SPAG16: variants seen among roughly 807,000 people sequenced by gnomAD.
SPAG16 encodes sperm associated antigen 16, also known as sperm-associated antigen 16 protein.
SPAG16 carries 86 observed loss-of-function variants against 80.4 expected under a neutral mutation model. The ratio of observed to expected loss-of-function variants is 1.07; its 90% CI spans 0.90 to 1.28. SPAG16 has a LOEUF of 1.28. Among genes scored for constraint, SPAG16 ranks in the 50% most tolerant of loss-of-function variants. The pLI, the probability that SPAG16 is intolerant of heterozygous loss-of-function variation, is 0.00. For synonymous variants in SPAG16, 294 were observed against 265.9 expected (o/e 1.11, Z -1.03); for missense variants, 870 against 765.3 (o/e 1.14, Z -1.61).
At chr2:213,787,478 T>C (rs1211434248) in intron 10 of SPAG16, among the ~76,000 whole-genome samples, 2 of 152,100 alleles carry the variant, frequency 1.3e-5, no homozygotes, top group African/African-American at 4.8e-5. Context: ...ATAATATAGC[T>C]ACAATACCAA....
intron 5 of SPAG16, among the ~76,000 whole-genome samples, chr2:213,328,658 G>C (rs974806386): frequency 6.6e-6 from 1 of 152,218 alleles, no homozygotes; most frequent in African/African-American, 2.4e-5. Flanking sequence ...TAGGAATGAG[G>C]ACTTTTCCTG....
chr2:213,668,987 T>C (rs969451196), intron 10 of SPAG16, among the ~76,000 whole-genome samples: 4 of 152,208 alleles, frequency 2.6e-5, no homozygotes, highest in East Asian at 1.9e-4. Flanking sequence ...CTCTGGAAAA[T>C]AGACCATAAT....
intron 15 of SPAG16, among the ~76,000 whole-genome samples, chr2:214,344,016 G>A (rs1316806256): frequency 2.6e-5 from 4 of 152,088 alleles, no homozygotes; most frequent in African/African-American, 9.7e-5. Context: ...TAATAATGAT[G>A]GGTGTCCATT....
intron 10 of SPAG16, among the ~76,000 whole-genome samples, chr2:213,825,798 C>T (rs116321999): frequency 1.3e-3 from 195 of 149,422 alleles, no homozygotes; most frequent in Non-Finnish European, 2.6e-3. Flanking sequence ...ATTCCCTCCT[C>T]CCCTATTTCT....
intron 9 of SPAG16, among the ~76,000 whole-genome samples, chr2:213,391,137 A>G (rs2067728926): frequency 6.6e-6 from 1 of 152,124 alleles, no homozygotes; most frequent in Non-Finnish European, 1.5e-5. Context: ...GCATGGTGGC[A>G]CGTGCCTGTA....
intron 9 of SPAG16, among the ~76,000 whole-genome samples, chr2:213,430,303 AG>A (rs1212421218): frequency 9.2e-5 from 14 of 152,324 alleles, no homozygotes; most frequent in African/African-American, 3.1e-4. Context: ...AAAGTGAAAA[AG>A]AAGAAAAAGA....
intron 15 of SPAG16, among the ~76,000 whole-genome samples, chr2:214,191,674 A>AT (rs1371975615): frequency 1.4e-5 from 2 of 142,288 alleles, no homozygotes; most frequent in Admixed American, 7.5e-5. Flanking sequence ...AGATCATGCC[A>AT]TTGCACTCTA....
At chr2:213,459,366 G>A (rs1349598059) in intron 9 of SPAG16, among the ~76,000 whole-genome samples, 2 of 152,178 alleles carry the variant, frequency 1.3e-5, no homozygotes, top group East Asian at 3.8e-4. Context: ...AGGCTCAAGA[G>A]TGATTTTATC....
chr2:213,469,573 T>G (rs1386562442), intron 9 of SPAG16, among the ~76,000 whole-genome samples: 1 of 119,744 alleles, frequency 8.4e-6, no homozygotes, highest in Non-Finnish European at 1.6e-5. Flanking sequence ...TCAGCAGGTT[T>G]TTTTTTTTTT....
At chr2:213,446,241 A>T (rs1363785101) in intron 9 of SPAG16, among the ~76,000 whole-genome samples, 1 of 152,212 alleles carries the variant, frequency 6.6e-6, no homozygotes, top group Non-Finnish European at 1.5e-5. Context: ...ATGGTTCATA[A>T]CCAGACTGAA....
Position 214,332,243 on chromosome 2 carries a change from C to T in SPAG16, c.1721-77897C>T, listed in dbSNP as rs192824656. Among the ~76,000 whole-genome samples, 40 of 152,336 alleles carry T rather than the reference C, an allele frequency of 2.6e-4. No individual in the cohort carries two copies. In the East Asian group the frequency reaches 6.7e-3, roughly 26 times the overall value. On this transcript the variant is annotated intron_variant, in intron 15 of 15. Transcript: ENST00000331683. ...CTCCAGCCTGGTCAACAGAGTGAGA[C>T]TCTGCCTCACAAAAAAACAAACAAA...
intron 11 of SPAG16, among the ~76,000 whole-genome samples, chr2:213,865,884 A>G (rs185470296): frequency 6.8e-6 from 1 of 148,086 alleles, no homozygotes; most frequent in Non-Finnish European, 1.5e-5. Flanking sequence ...ATACATAGCA[A>G]CTTGGAAGGA....
chr2:213,639,437 C>T (rs1410832027), intron 10 of SPAG16, among the ~76,000 whole-genome samples: 2 of 152,072 alleles, frequency 1.3e-5, no homozygotes, highest in South Asian at 2.1e-4. Flanking sequence ...GTGCTGGCTT[C>T]GTAGTGCTGA....
intron 10 of SPAG16, among the ~76,000 whole-genome samples, chr2:213,736,778 T>C (rs1225957044): frequency 6.6e-6 from 1 of 151,662 alleles, no homozygotes; most frequent in Non-Finnish European, 1.5e-5. Context: ...GATCTCGGCT[T>C]GCTGCAACCT....
chr2:214,199,252 C>A (rs1233619029), intron 15 of SPAG16, among the ~76,000 whole-genome samples: 1 of 152,058 alleles, frequency 6.6e-6, no homozygotes, highest in Non-Finnish European at 1.5e-5. Context: ...AGATTTAAGT[C>A]TTTGATCCTT....
chr2:214,269,037 G>T (rs918230952), intron 15 of SPAG16, among the ~76,000 whole-genome samples: 4 of 151,878 alleles, frequency 2.6e-5, no homozygotes, highest in African/African-American at 9.7e-5. Flanking sequence ...TCAGCTATTT[G>T]TCTTTTCAAT....
chr2:214,122,003 A>T (rs17281873), intron 14 of SPAG16, among the ~76,000 whole-genome samples: 1 of 151,802 alleles, frequency 6.6e-6, no homozygotes, highest in African/African-American at 2.4e-5. Flanking sequence ...TACTATTGTT[A>T]ATGGAGATAA....
At chr2:213,838,530 C>T (rs1418048244) in intron 10 of SPAG16, among the ~76,000 whole-genome samples, 1 of 152,180 alleles carries the variant, frequency 6.6e-6, no homozygotes, top group Non-Finnish European at 1.5e-5. Flanking sequence ...GCCTATACCT[C>T]ATTGAGCAGA....
rs561269794 is a variant in SPAG16 at position 214,314,044 on chromosome 2, C to T, written c.1721-96096C>T. Among the ~76,000 whole-genome samples, 66 of 152,038 alleles carry T rather than the reference C, an allele frequency of 4.3e-4. No individual in the cohort carries two copies. In the South Asian group the frequency reaches 0.013, roughly 29 times the overall value. ...TGCAGCATTGTATTTGTATCTAGGC[C>T]TAATAATTTTGTATTTATTTCCAAT... On this transcript the variant is annotated intron_variant, in intron 15 of 15. Transcript: ENST00000331683.
Sources: gnomAD v4.1 joint callset for allele counts (sites outside exome capture counted in the v4.1 genomes callset) on GRCh38, gnomAD v4.1.1 for gene constraint, MANE v1.5 for transcripts, NCBI Gene and HGNC (gene_info 2026-07-23, HGNC 2026-07-21) for gene names.